Variants in HAND1 observed in about 807,000 individuals in gnomAD.
HAND1 encodes the protein heart- and neural crest derivatives-expressed protein 1.
Under a neutral mutation model 14.5 loss-of-function variants are expected in HAND1, and 10 were observed. The observed-to-expected ratio is 0.69, with a 90% CI of 0.42 to 1.17. The LOEUF is 1.17. Ranked by LOEUF, HAND1 falls within the 50% of genes most tolerant of loss-of-function variation. The pLI is 0.00. For synonymous variants in HAND1, 128 were observed against 127.1 expected, an observed-to-expected ratio of 1.01 and a Z score of -0.05; for missense variants, 299 against 298.4, an observed-to-expected ratio of 1.00 and a Z score of -0.01.
Position 154,477,446 on chromosome 5 carries a change from A to T in HAND1, c.543+20T>A, listed in dbSNP as rs1196029847. ...CCGCTCCTGCACCCTTGGCTGGAGC[A>T]TGCAAGCCCCAGGACTCACCAGCTC... On this transcript the variant is annotated intron_variant, in intron 1 of 1. Coordinates refer to ENST00000231121, the MANE Select transcript of HAND1 (RefSeq NM_004821.3). 6.3e-7 allele frequency: 1 copy of T among 1,595,402 alleles called. No individual in the cohort carries two copies. The highest frequency in any genetic ancestry group is 1.1e-5 in the South Asian group (1 of 90,740).
At chr5:154,475,958 A>G (rs1561710619) in intron 1 of HAND1, 48 bp from the exon 2 acceptor site, 1 of 1,470,126 alleles carries the variant, frequency 6.8e-7, no homozygotes, top group Admixed American at 1.7e-5. Flanking sequence ...ACAGGTTTTA[A>G]TTTTTCTGCT....
chr5:154,475,352 A>G lies in HAND1; in HGVS notation c.*454T>C, dbSNP rs1230063942. 1 of 161,122 alleles carries G rather than the reference A, an allele frequency of 6.2e-6. No homozygotes were observed. Among genetic ancestry groups the G allele is most frequent in the Non-Finnish European group, 1.4e-5 (1 of 73,088 alleles). 10.0% of individuals were successfully genotyped at this position (161,122 alleles called of 1,614,324 possible). A position where few individuals can be genotyped will look rare whatever the true frequency, so the allele number is the denominator to read the frequency against. ...CGTCTGGTTCTCTTTCTCAGGCAGA[A>G]AAGAATTGATTCCTTATTGCATTTT... On this transcript the variant is annotated 3_prime_UTR_variant, in exon 2 of 2. Coordinates refer to ENST00000231121, the MANE Select transcript of HAND1 (RefSeq NM_004821.3).
In HAND1 at chr5:154,475,898, C is replaced by A; in HGVS notation, c.556G>T (p.Gly186Cys). The A allele has an allele frequency of 1.2e-6, 2 of 1,613,416 alleles. No individual in the cohort carries two copies. The highest frequency in any genetic ancestry group is 2.2e-5 in the South Asian group (2 of 91,076). The change falls in exon 2 of 2, where the codon GGT (glycine) becomes TGT (cysteine). Residue 186 changes from glycine (G) to cysteine (C), a missense_variant. Coordinates refer to ENST00000231121, the MANE Select transcript of HAND1 (RefSeq NM_004821.3). ...ACTGGGCCCAGGGCAGGAGGAAAAC[C>A]TTCGTGCTGCTGCTGCCAAAGGACA... The part of the protein sequence containing the change: ...KRKRELQQHE[G>C]FPPALGPVEK...
Position 154,478,000 on chromosome 5 carries a change from G to A in HAND1, c.9C>T (p.Leu3=), listed in dbSNP as rs775319214. Residue 3 remains leucine, a synonymous_variant, in exon 1 of 2, where the codon CTC becomes CTT. Transcript: ENST00000231121. The part of the protein sequence containing the change: MN[L]VGSYAHHHHH... ...GGTGATGGTGTGCGTAGCTGCCCAC[G>A]AGGTTCATGTTGGAGCGGCTACTGG... The A allele has an allele frequency of 1.6e-5, 26 of 1,597,904 alleles. No individual in the cohort carries two copies. The highest frequency in any genetic ancestry group is 2.2e-5 in the Non-Finnish European group (26 of 1,179,874).
chr5:154,475,480 A>G lies in HAND1; in HGVS notation c.*326T>C. ...GCTGAGGTTCTAAATTCGCTCCAAA[A>G]GGGTGGAAGAGTGCGTCTTTGAGCC... On this transcript the variant is annotated 3_prime_UTR_variant, in exon 2 of 2. Coordinates refer to ENST00000231121, the MANE Select transcript of HAND1 (RefSeq NM_004821.3). 2.7e-6 allele frequency: 1 copy of G among 376,870 alleles called. No homozygotes were observed. The highest frequency in any genetic ancestry group is 2.7e-5 in the South Asian group (1 of 37,330). 23.3% of individuals were successfully genotyped at this position (376,870 alleles called of 1,614,324 possible).
intron 1 of HAND1, among the ~76,000 whole-genome samples, chr5:154,476,999 C>A (rs1030899665): frequency 1.3e-5 from 2 of 152,214 alleles, no homozygotes; most frequent in Non-Finnish European, 2.9e-5. Flanking sequence ...CCCCGACCCA[C>A]TCTGGGCCCT....
At chr5:154,476,509 G>T (rs532289685) in intron 1 of HAND1, among the ~76,000 whole-genome samples, 11 of 152,236 alleles carry the variant, frequency 7.2e-5, no homozygotes, top group Admixed American at 5.2e-4. Context: ...TCGAGGCGCC[G>T]CACCTCGAAA....
rs1310001487 is a variant in HAND1 at position 154,475,013 on chromosome 5, G to A, written c.*793C>T. 1 of 152,598 alleles carries A rather than the reference G, an allele frequency of 6.6e-6. No individual in the cohort carries two copies. Among genetic ancestry groups the A allele is most frequent in the Non-Finnish European group, 1.5e-5 (1 of 68,056 alleles). 9.5% of individuals were successfully genotyped at this position (152,598 alleles called of 1,614,324 possible). ...TTTATTAATCAAGAGCATAGACACT[G>A]CTTTGGCGAAGGGAGGGGGGCTGTG... is the stretch of plus-strand genomic sequence containing the variant. On this transcript the variant is annotated 3_prime_UTR_variant, in exon 2 of 2. Coordinates refer to ENST00000231121, the MANE Select transcript of HAND1 (RefSeq NM_004821.3).
chr5:154,477,434 C>G, intron 1 of HAND1, 32 bp downstream of exon 1: 1 of 1,563,674 alleles, frequency 6.4e-7, no homozygotes, highest in Non-Finnish European at 8.8e-7. Context: ...CTCCTGCACC[C>G]TTGGCTGGAG....
At chr5:154,477,204 G>A (rs2113302545) in intron 1 of HAND1, among the ~76,000 whole-genome samples, 1 of 152,316 alleles carries the variant, frequency 6.6e-6, no homozygotes, top group East Asian at 1.9e-4. Flanking sequence ...CCTGTGGTGT[G>A]TGCATTTTTG....
At chr5:154,476,401 A>G (rs948793344) in intron 1 of HAND1, among the ~76,000 whole-genome samples, 35 of 152,112 alleles carry the variant, frequency 2.3e-4, no homozygotes, top group African/African-American at 8.2e-4. Flanking sequence ...GAGCTGGCCT[A>G]GCGTCCTCCT....
intron 1 of HAND1, among the ~76,000 whole-genome samples, chr5:154,476,158 G>A (rs956761697): frequency 6.6e-6 from 1 of 152,172 alleles, no homozygotes; most frequent in African/African-American, 2.4e-5. Context: ...TAAGGAAAAT[G>A]TTCTGCGTCT....
chr5:154,476,369 G>C (rs1757542745), intron 1 of HAND1, among the ~76,000 whole-genome samples: 1 of 152,164 alleles, frequency 6.6e-6, no homozygotes, highest in African/African-American at 2.4e-5. Flanking sequence ...CCTCAGATAC[G>C]GAGGTAAAAG....
intron 1 of HAND1, among the ~76,000 whole-genome samples, chr5:154,476,842 A>C (rs983023473): frequency 6.6e-6 from 1 of 152,200 alleles, no homozygotes; most frequent in African/African-American, 2.4e-5. Context: ...AGCTAAAAGA[A>C]GTGGCTCTTA....
At chr5:154,475,985 G>A (rs546079031) in intron 1 of HAND1, 75 bp from the exon 2 acceptor site, 2 of 1,116,036 alleles carry the variant, frequency 1.8e-6, no homozygotes, top group African/African-American at 1.5e-5. Flanking sequence ...GCCCGGCATG[G>A]GGTAAGATGA....
rs1444185092 is a variant in HAND1, at chr5:154,478,152, G to T, written c.-144C>A. On this transcript the variant is annotated 5_prime_UTR_variant, in exon 1 of 2. Transcript: ENST00000231121. The surrounding 1 kb of genome is among the most constrained non-coding windows in gnomAD (Gnocchi z 4.5). ...GTCCGGGCAAGGCTGAAAATGAGAC[G>T]CGCAGCCCACTGTCTTCTTACCGGT... is the stretch of plus-strand genomic sequence containing the variant. The T allele has an allele frequency of 4.8e-6, 4 of 839,774 alleles. No homozygotes were observed. Among genetic ancestry groups the T allele is most frequent in the African/African-American group, 3.4e-5 (2 of 59,510 alleles). The allele number at this position is 839,774 out of a possible 1,614,324, so 52.0% of individuals were successfully genotyped here.
Position 154,477,989 on chromosome 5 carries a change from T to C in HAND1, c.20A>G (p.Tyr7Cys). 1.3e-6 allele frequency: 2 copies of C among 1,598,026 alleles called. No individual in the cohort carries two copies. The highest frequency in any genetic ancestry group is 2.2e-5 in the East Asian group (1 of 44,852). Residue 7 changes from tyrosine (Y) to cysteine (C), a missense_variant, in exon 1 of 2, where the codon TAC becomes TGC. Transcript: ENST00000231121. MNLVGS[Y>C]AHHHHHHHPH... ...GTGGTGATGGTGGTGATGGTGTGCG[T>C]AGCTGCCCACGAGGTTCATGTTGGA...
At chr5:154,477,430 C>T (rs752166316) in intron 1 of HAND1, 36 bp downstream of exon 1, 2 of 1,540,854 alleles carry the variant, frequency 1.3e-6, no homozygotes, top group African/African-American at 2.7e-5. Flanking sequence ...ACCGCTCCTG[C>T]ACCCTTGGCT....
rs774965575 is a variant in HAND1 at position 154,477,826 on chromosome 5, C to T, written c.183G>A (p.Pro61=). ...TGGCGGCTGCAGCGGCCGCGGGCGGCGGCCCGCCCGCAGGGAAGTCCGGGG... is the reference window on the plus strand; with the variant it reads ...TGGCGGCTGCAGCGGCCGCGGGCGGTGGCCCGCCCGCAGGGAAGTCCGGGG... ...DAAPDFPAGG[P]PPAAAAAATA... is the part of the protein sequence containing the mutation. Residue 61 remains proline (P), a synonymous_variant, in exon 1 of 2, where the codon CCG becomes CCA. Coordinates refer to ENST00000231121, the MANE Select transcript of HAND1 (RefSeq NM_004821.3). 5.7e-6 allele frequency: 9 copies of T among 1,590,226 alleles called. No homozygotes were observed. In the Admixed American group the frequency reaches 1.4e-4, roughly 24 times the overall value.
Sources: allele counts gnomAD v4.1 joint callset (sites outside exome capture counted in the v4.1 genomes callset), GRCh38; gene constraint gnomAD v4.1.1; non-coding constraint Gnocchi (gnomAD v3.1); transcripts MANE v1.5; gene names NCBI Gene and HGNC (gene_info 2026-07-23, HGNC 2026-07-21).